GNPTAB: variants seen among roughly 807,000 people sequenced by gnomAD.
GNPTAB encodes the protein N-acetylglucosamine-1-phosphate transferase subunits alpha and beta, also known as N-acetylglucosamine-1-phosphotransferase subunits alpha/beta.
GNPTAB carries 92 observed loss-of-function variants against 136.6 expected under a neutral mutation model. The ratio of observed to expected loss-of-function variants is 0.67; its 90% CI spans 0.57 to 0.80. The LOEUF (loss-of-function observed/expected upper bound fraction) is 0.80. Ranked by LOEUF, GNPTAB falls within the 30% of genes least tolerant of loss-of-function variation. GNPTAB has a pLI of 0.00. For missense variants in GNPTAB, 1,343 were observed against 1,501.8 expected (o/e 0.89, Z 1.75); for synonymous variants, 512 against 535.1 (o/e 0.96, Z 0.60).
At chr12:101,809,932 T>A (rs1293251833) in intron 1 of GNPTAB, among the ~76,000 whole-genome samples, 1 of 152,140 alleles carries the variant, frequency 6.6e-6, no homozygotes, top group Non-Finnish European at 1.5e-5. Context: ...AAAAAATCTA[T>A]CAATATTGAT....
chr12:101,759,636 TG>T (rs1437388127), intron 16 of GNPTAB, among the ~76,000 whole-genome samples: 10 of 152,144 alleles, frequency 6.6e-5, no homozygotes, highest in African/African-American at 1.9e-4. Flanking sequence ...CTGCCCCTAC[TG>T]GTAAAATGGA....
At chr12:101,747,281 G>T in intron 20 of GNPTAB, 40 bp from the exon 21 acceptor site, 1 of 1,162,062 alleles carries the variant, frequency 8.6e-7, no homozygotes, top group Non-Finnish European at 1.3e-6. Flanking sequence ...TAATTCTCAC[G>T]TTGATGAAAG....
At position 101,813,261 on chromosome 12, in the gene GNPTAB, A is replaced by G. The variant is rs563757534; in HGVS notation, c.118-16499T>C. On this transcript the variant is annotated intron_variant, in intron 1 of 20. Coordinates refer to ENST00000299314, the MANE Select transcript of GNPTAB (RefSeq NM_024312.5). ...AAAACCACTTGAAAACGTAAAAGCC[A>G]TTATTAAATTACAGCCCACACAAAA... is the stretch of plus-strand genomic sequence containing the variant. 5.3e-5 allele frequency among the ~76,000 whole-genome samples: 8 copies of G among 152,362 alleles called. No individual in the cohort carries two copies. The South Asian group carries it at 1.7e-3, about 32-fold the overall frequency.
intron 1 of GNPTAB, among the ~76,000 whole-genome samples, chr12:101,811,296 C>T (rs1408202483): frequency 1.3e-5 from 2 of 152,128 alleles, no homozygotes; most frequent in African/African-American, 2.4e-5. Flanking sequence ...AAAATAGCCA[C>T]GGACAGCATG....
rs1392009170 is a variant in GNPTAB at position 101,785,168 on chromosome 12, C to A, written c.571+844G>T. Among the ~76,000 whole-genome samples, 4 of 152,182 alleles carry A rather than the reference C, an allele frequency of 2.6e-5. No individual in the cohort carries two copies. In the East Asian group the frequency reaches 7.7e-4, roughly 29 times the overall value. Reference sequence around the variant, plus strand: ...TACTCTTCTAGGTTGCAGATGGCATCTTCTCATAACGTCACATGGTGGAGA... The same window carrying A: ...TACTCTTCTAGGTTGCAGATGGCATATTCTCATAACGTCACATGGTGGAGA... On this transcript the variant is annotated intron_variant, in intron 5 of 20. Coordinates refer to ENST00000299314, the MANE Select transcript of GNPTAB (RefSeq NM_024312.5).
In GNPTAB at chr12:101,754,418, G is replaced by A. The variant is rs562943110; in HGVS notation, c.3435-879C>T. ...TGCACTCCAGCCTGGGTGATAAAGC[G>A]AGACTCTGTCTCAAAAAGATTAAAA... is the stretch of plus-strand genomic sequence containing the variant. On this transcript the variant is annotated intron_variant, in intron 18 of 20. Transcript: ENST00000299314. 3.3e-5 allele frequency among the ~76,000 whole-genome samples: 5 copies of A among 151,530 alleles called. No individual in the cohort carries two copies. In the South Asian group the frequency reaches 6.3e-4, roughly 19 times the overall value.
At chr12:101,809,397 T>C (rs114140510) in intron 1 of GNPTAB, among the ~76,000 whole-genome samples, 1,951 of 152,286 alleles carry the variant, frequency 0.013, 44 homozygotes, top group African/African-American at 0.045. Context: ...CAGCTAAACA[T>C]AGGCTTATCA....
At chr12:101,777,308 AAGC>A (rs1953275153) in intron 7 of GNPTAB, among the ~76,000 whole-genome samples, 1 of 152,186 alleles carries the variant, frequency 6.6e-6, no homozygotes, top group Non-Finnish European at 1.5e-5. Flanking sequence ...TGTTCCTTAG[AAGC>A]AGATCAGACT....
At chr12:101,787,913 CAAA>C (rs34261197) in intron 4 of GNPTAB, among the ~76,000 whole-genome samples, 10 of 126,892 alleles carry the variant, frequency 7.9e-5, no homozygotes, top group African/African-American at 9.0e-5. Context: ...AACTCCGTCT[CAAA>C]AAAAAAAAAA....
Position 101,764,903 on chromosome 12 carries a change from C to T in GNPTAB, c.2014G>A (p.Glu672Lys), listed in dbSNP as rs751642452. ...CTCTTAAACTTCGGGAAGCGTTTTT[C>T]TTTGGGAATATCCTCAAAAAGGATT... ...AEILFEDIPKEKRFPKFKRHD... is the reference protein window; with the variant it reads ...AEILFEDIPKKKRFPKFKRHD... The change falls in exon 13 of 21, where the codon GAA becomes AAA. Residue 672 changes from glutamate (E) to lysine (K), a missense_variant. Transcript: ENST00000299314. 1.2e-6 allele frequency: 2 copies of T among 1,614,126 alleles called. No homozygotes were observed. The highest frequency in any genetic ancestry group is 1.3e-5 in the African/African-American group (1 of 75,024).
intron 1 of GNPTAB, among the ~76,000 whole-genome samples, chr12:101,811,586 T>C (rs1870236064): frequency 6.6e-6 from 1 of 151,484 alleles, no homozygotes; most frequent in Non-Finnish European, 1.5e-5. Context: ...TGGCACATCC[T>C]CTTACGTGGC....
At chr12:101,789,769 C>T (rs1450825161) in intron 3 of GNPTAB, among the ~76,000 whole-genome samples, 169 bp downstream of exon 3, 1 of 152,216 alleles carries the variant, frequency 6.6e-6, no homozygotes, top group Admixed American at 6.5e-5. Context: ...CAGGTGTGAG[C>T]CACCATGCCT....
chr12:101,815,474 T>C (rs1870469814), intron 1 of GNPTAB, among the ~76,000 whole-genome samples: 1 of 152,204 alleles, frequency 6.6e-6, no homozygotes, highest in South Asian at 2.1e-4. Context: ...TAGCTGGGCA[T>C]GGTGGTGTAC....
intron 18 of GNPTAB, among the ~76,000 whole-genome samples, chr12:101,754,233 C>A (rs1336695195): frequency 6.6e-6 from 1 of 151,962 alleles, no homozygotes; most frequent in Non-Finnish European, 1.5e-5. Flanking sequence ...TTGAGACCAG[C>A]CTAGCCAACA....
chr12:101,763,604 A>G (rs1953034917), intron 13 of GNPTAB, among the ~76,000 whole-genome samples: 1 of 152,068 alleles, frequency 6.6e-6, no homozygotes, highest in Admixed American at 6.5e-5. Context: ...TCTCTTTGCT[A>G]CAGTTTTCTC....
At chr12:101,765,583 G>T in intron 12 of GNPTAB, 1 of 440,114 alleles carries the variant, frequency 2.3e-6, no homozygotes, top group Admixed American at 3.7e-5. Context: ...TACTGGTATA[G>T]GGCTTATTTC....
In GNPTAB at chr12:101,745,665, G is replaced by C. The variant is rs940552426; in HGVS notation, c.*1499C>G. 2 of 152,186 alleles carry C rather than the reference G, an allele frequency of 1.3e-5. No homozygotes were observed. Among genetic ancestry groups the C allele is most frequent in the Non-Finnish European group, 2.9e-5 (2 of 68,040 alleles). The allele number at this position is 152,186 out of a possible 1,614,324, so 9.4% of individuals were successfully genotyped here. A position where few individuals can be genotyped will look rare whatever the true frequency, so the allele number is the denominator to read the frequency against. On this transcript the variant is annotated 3_prime_UTR_variant, in exon 21 of 21. Transcript: ENST00000299314. Reference sequence around the variant, plus strand: ...AAAATACCTGTCAGAGTTACTCATGGAATCTGCTCTTCACAAATCCATTGT... The same window carrying C: ...AAAATACCTGTCAGAGTTACTCATGCAATCTGCTCTTCACAAATCCATTGT...
Position 101,814,315 on chromosome 12 carries a change from T to C in GNPTAB, c.117+16244A>G, listed in dbSNP as rs74864080. Among the ~76,000 whole-genome samples the C allele has an allele frequency of 5.4e-4, 82 of 151,878 alleles. 2 individuals are homozygous for C. The East Asian group carries it at 0.013, about 24-fold the overall frequency. On this transcript the variant is annotated intron_variant, in intron 1 of 20. Transcript: ENST00000299314. ...ACCCTGTCTTGAAAAAAAAAAATTA[T>C]TGAGAACTCCAAACAGCTTTGAAAA...
chr12:101,770,810 G>T (rs1203287292), intron 8 of GNPTAB, among the ~76,000 whole-genome samples, 186 bp downstream of exon 8: 3 of 152,154 alleles, frequency 2.0e-5, no homozygotes, highest in Admixed American at 1.3e-4. Context: ...TATGAAGAAG[G>T]TTCTTGGATC....
Sources: allele counts gnomAD v4.1 joint callset (sites outside exome capture counted in the v4.1 genomes callset), GRCh38; gene constraint gnomAD v4.1.1; transcripts MANE v1.5; gene names NCBI Gene and HGNC (gene_info 2026-07-23, HGNC 2026-07-21).